CUL3: variants seen among roughly 807,000 people sequenced by gnomAD.
CUL3 encodes the protein cullin-3.
In CUL3, 19 loss-of-function variants were observed where a neutral mutation model predicts 89.1. The ratio of observed to expected loss-of-function variants is 0.21; its 90% CI spans 0.15 to 0.31. CUL3 has a LOEUF of 0.31. Ranked by LOEUF, CUL3 falls within the 10% of genes least tolerant of loss-of-function variation. The pLI is 1.00. For synonymous variants in CUL3, 351 were observed against 308.4 expected, an observed-to-expected ratio of 1.14 and a Z score of -1.45; for missense variants, 469 against 942.3, an observed-to-expected ratio of 0.50 and a Z score of 6.58.
intron 5 of CUL3, among the ~76,000 whole-genome samples, chr2:224,511,896 T>C (rs1221920799): frequency 2.0e-5 from 3 of 152,172 alleles, no homozygotes; most frequent in Admixed American, 2.0e-4. Context: ...AGCATCTGAC[T>C]CCAAGATACA....
intron 1 of CUL3, among the ~76,000 whole-genome samples, chr2:224,561,147 A>G (rs1694888548): frequency 6.6e-6 from 1 of 152,102 alleles, no homozygotes; most frequent in African/African-American, 2.4e-5. Flanking sequence ...CCTCTCTACA[A>G]CCAAATGTCA....
At chr2:224,530,541 CAT>C (rs1022347428) in intron 3 of CUL3, among the ~76,000 whole-genome samples, 4 of 152,086 alleles carry the variant, frequency 2.6e-5, no homozygotes, top group African/African-American at 4.8e-5. Flanking sequence ...TAGAGAGGTG[CAT>C]ATGTTTGTCA....
chr2:224,564,506 A>G (rs754432646), intron 1 of CUL3, among the ~76,000 whole-genome samples: 11 of 152,184 alleles, frequency 7.2e-5, no homozygotes, highest in Non-Finnish European at 1.5e-4. Context: ...TTATTACAAT[A>G]TAGTTATAAT....
chr2:224,514,795 A>G, intron 3 of CUL3, 23 bp from the exon 4 acceptor site: 6 of 1,540,244 alleles, frequency 3.9e-6, no homozygotes, highest in Non-Finnish European at 5.4e-6. Context: ...TCATATAAAT[A>G]TGAGTACAGT....
chr2:224,546,672 G>T (rs1694315216), intron 2 of CUL3, among the ~76,000 whole-genome samples: 1 of 149,216 alleles, frequency 6.7e-6, no homozygotes, highest in African/African-American at 2.4e-5. Context: ...TAGGATGGGG[G>T]GGGGTACTTG....
chr2:224,510,905 G>C (rs1159182457), intron 6 of CUL3, among the ~76,000 whole-genome samples: 7 of 152,012 alleles, frequency 4.6e-5, no homozygotes. Flanking sequence ...AAATATTTTT[G>C]CATTTTCAGC....
intron 3 of CUL3, among the ~76,000 whole-genome samples, chr2:224,524,893 GT>G (rs1291708796): frequency 2.6e-5 from 4 of 151,790 alleles, no homozygotes; most frequent in Admixed American, 6.6e-5. Flanking sequence ...CCAGAAAGTG[GT>G]AAGTAACAAA....
Position 224,507,007 on chromosome 2 carries a change from C to T in CUL3, c.884-4G>A, listed in dbSNP as rs1239182785. On this transcript the variant is annotated splice_region_variant and splice_polypyrimidine_tract_variant and intron_variant, in intron 6 of 15. Coordinates refer to ENST00000264414, the MANE Select transcript of CUL3 (RefSeq NM_003590.5). ...AACTTGTACATGCAACCAAGGTCTA[C>T]AAATCAGAAAACACAAATTGGCTAC... The T allele has an allele frequency of 6.2e-7, 1 of 1,606,688 alleles. No individual in the cohort carries two copies. Among genetic ancestry groups the T allele is most frequent in the Admixed American group, 1.7e-5 (1 of 58,510 alleles).
intron 3 of CUL3, among the ~76,000 whole-genome samples, chr2:224,531,486 G>A (rs1693695543): frequency 6.6e-6 from 1 of 151,670 alleles, no homozygotes; most frequent in Admixed American, 6.6e-5. Flanking sequence ...AAAGATATAT[G>A]TAAGTGCCTA....
intron 1 of CUL3, among the ~76,000 whole-genome samples, chr2:224,575,013 T>A (rs778696800): frequency 6.6e-6 from 1 of 152,196 alleles, no homozygotes; most frequent in Non-Finnish European, 1.5e-5. Context: ...GTAGTTACTA[T>A]AATGCAGAAG....
At chr2:224,541,924 A>T (rs914848314) in intron 2 of CUL3, among the ~76,000 whole-genome samples, 4 of 152,304 alleles carry the variant, frequency 2.6e-5, no homozygotes, top group Admixed American at 6.5e-5. Flanking sequence ...AAGGGATAAC[A>T]GAGGGAGTTT....
chr2:224,504,165 T>C (rs915609908), intron 8 of CUL3: 1 of 174,346 alleles, frequency 5.7e-6, no homozygotes, highest in Non-Finnish European at 1.2e-5. Context: ...TATGAAGCCT[T>C]TGCATATGCA....
intron 1 of CUL3, among the ~76,000 whole-genome samples, chr2:224,565,168 A>C (rs1463887252): frequency 1.3e-5 from 2 of 152,216 alleles, no homozygotes; most frequent in Non-Finnish European, 2.9e-5. Context: ...CCAATAACAT[A>C]AACAGTCTAT....
At chr2:224,547,417 C>T (rs200845520) in intron 2 of CUL3, among the ~76,000 whole-genome samples, 7 of 151,996 alleles carry the variant, frequency 4.6e-5, no homozygotes, top group African/African-American at 1.7e-4. Flanking sequence ...TGTTATCTAC[C>T]GGGACAGTAT....
Position 224,552,916 on chromosome 2 carries a change from C to T in CUL3, c.264+4743G>A, listed in dbSNP as rs566489337. ...TTCTGTGAGATTAAAGATAGGTATTCTGATACCACAGAACCCTGAAAGAAT... is the reference window on the plus strand; with the variant it reads ...TTCTGTGAGATTAAAGATAGGTATTTTGATACCACAGAACCCTGAAAGAAT... On this transcript the variant is annotated intron_variant, in intron 2 of 15. Coordinates refer to ENST00000264414, the MANE Select transcript of CUL3 (RefSeq NM_003590.5). Among the ~76,000 whole-genome samples, 9 of 152,296 alleles carry T rather than the reference C, an allele frequency of 5.9e-5. No individual in the cohort carries two copies. In the East Asian group the frequency reaches 1.3e-3, roughly 23 times the overall value.
intron 2 of CUL3, among the ~76,000 whole-genome samples, chr2:224,549,525 G>A (rs1328185309): frequency 2.0e-5 from 3 of 152,012 alleles, no homozygotes; most frequent in African/African-American, 4.8e-5. Context: ...TCCCAGAAAG[G>A]TTTAGTAATT....
intron 5 of CUL3, among the ~76,000 whole-genome samples, chr2:224,512,002 T>C (rs576320603): frequency 6.6e-6 from 1 of 152,326 alleles, no homozygotes; most frequent in African/African-American, 2.4e-5. Flanking sequence ...TGCTGGTTAA[T>C]TAAGTCTTCC....
chr2:224,484,390 T>C (rs1284714342), intron 13 of CUL3, among the ~76,000 whole-genome samples: 1 of 152,198 alleles, frequency 6.6e-6, no homozygotes, highest in Non-Finnish European at 1.5e-5. Context: ...ATTTACAGGA[T>C]ATCTGTAATC....
chr2:224,480,956 G>C (rs1248615228), intron 14 of CUL3, among the ~76,000 whole-genome samples: 1 of 152,062 alleles, frequency 6.6e-6, no homozygotes, highest in East Asian at 1.9e-4. Flanking sequence ...CCTTGCCAGA[G>C]ACACTACTCT....
Sources: allele counts gnomAD v4.1 joint callset (sites outside exome capture counted in the v4.1 genomes callset), GRCh38; gene constraint gnomAD v4.1.1; transcripts MANE v1.5; gene names NCBI Gene and HGNC (gene_info 2026-07-23, HGNC 2026-07-21).